IGDCC3: variants seen among roughly 807,000 people sequenced by gnomAD.
The protein encoded by IGDCC3 is putative neuronal cell adhesion molecule.
In IGDCC3, 47 loss-of-function variants were observed where a neutral mutation model predicts 72.0. That is an observed-to-expected ratio of 0.65 (90% CI 0.52 to 0.83). The LOEUF (loss-of-function observed/expected upper bound fraction) is 0.83. Among genes scored for constraint, IGDCC3 ranks in the 40% least tolerant of loss-of-function variants. The pLI is 0.00. For missense variants in IGDCC3, 1,038 were observed against 1,091.3 expected (o/e 0.95, Z 0.69); for synonymous variants, 477 against 472.8 (o/e 1.01, Z -0.11).
Position 65,335,341 on chromosome 15 carries a change from G to A in IGDCC3, c.635C>T (p.Ser212Leu). Residue 212 changes from serine (S) to leucine (L), a missense_variant, in exon 4 of 14, where the codon TCA (serine) becomes TTA (leucine). By Grantham distance (145) the Ser-to-Leu change is moderately radical. Transcript: ENST00000327987. ...EDGGIFHCVA[S>L]NIASIRISHG... The stretch of plus-strand genomic sequence containing the variant: ...GCTGATCCGGATACTGGCGATGTTT[G>A]AGGCCACACAGTGGAAGATGCCACC... 3.1e-6 allele frequency: 5 copies of A among 1,613,834 alleles called. No homozygotes were observed. The highest frequency in any genetic ancestry group is 4.2e-6 in the Non-Finnish European group (5 of 1,179,876).
chr15:65,350,622 C>T (rs953383733), intron 2 of IGDCC3, among the ~76,000 whole-genome samples: 68 of 151,914 alleles, frequency 4.5e-4, no homozygotes, highest in African/African-American at 1.6e-3. Context: ...CCACCAGGCC[C>T]GGCTAAGTTT....
At chr15:65,331,308 C>A (rs1253988006) in intron 8 of IGDCC3, 94 bp from the exon 9 acceptor site, 2 of 1,567,988 alleles carry the variant, frequency 1.3e-6, no homozygotes, top group East Asian at 4.5e-5. Flanking sequence ...CCCGGGGGGA[C>A]AGCGGGGAGA....
At chr15:65,342,113 G>A (rs918155435) in intron 2 of IGDCC3, among the ~76,000 whole-genome samples, 2 of 151,866 alleles carry the variant, frequency 1.3e-5, no homozygotes, top group Non-Finnish European at 2.9e-5. Context: ...ACAGCCAGGC[G>A]CGGTGGCTCA....
intron 2 of IGDCC3, among the ~76,000 whole-genome samples, chr15:65,341,179 C>T (rs1425762214): frequency 1.3e-5 from 2 of 152,050 alleles, no homozygotes; most frequent in Non-Finnish European, 2.9e-5. Context: ...TAGGGAAATG[C>T]GAATCAAAAC....
chr15:65,328,258 CT>C lies in IGDCC3; in HGVS notation c.*650del, dbSNP rs1310286858. On this transcript the variant is annotated 3_prime_UTR_variant, in exon 14 of 14. Transcript: ENST00000327987. ...TTTCACATCTGGAAATGGGGAAGTG[CT>C]TTTTTTTTTCTTTCACACCTGGAAA... 5.6e-3 allele frequency: 668 copies of C among 118,546 alleles called. 7 individuals are homozygous for C. Among genetic ancestry groups the C allele is most frequent in the Admixed American group, 0.016 (184 of 11,740 alleles). 7.3% of individuals were successfully genotyped at this position (118,546 alleles called of 1,614,324 possible).
intron 2 of IGDCC3, among the ~76,000 whole-genome samples, chr15:65,370,276 G>A (rs1054906952): frequency 2.3e-4 from 35 of 151,810 alleles, no homozygotes; most frequent in Admixed American, 2.2e-3. Flanking sequence ...CAGCACTTTC[G>A]GAGGAAGTGT....
Position 65,377,310 on chromosome 15 carries a change from G to T in IGDCC3, c.103+376C>A, listed in dbSNP as rs151171076. Reference sequence around the variant, plus strand: ...GCTGCCTCGGGCTATGTCCACGGCCGGGCACCCAGCACCCCAGCTCGTCCG... The same window carrying T: ...GCTGCCTCGGGCTATGTCCACGGCCTGGCACCCAGCACCCCAGCTCGTCCG... On this transcript the variant is annotated intron_variant, in intron 1 of 13. Coordinates refer to ENST00000327987, the MANE Select transcript of IGDCC3 (RefSeq NM_004884.4). This position sits in a 1 kb window ranked among gnomAD's most constrained non-coding sequence, Gnocchi z 4.9. Among the ~76,000 whole-genome samples the T allele has an allele frequency of 5.3e-5, 8 of 152,230 alleles. No homozygotes were observed. The highest frequency in any genetic ancestry group is 1.3e-4 in the Admixed American group (2 of 15,296).
chr15:65,344,876 T>TG (rs553549969), intron 2 of IGDCC3, among the ~76,000 whole-genome samples: 4 of 150,034 alleles, frequency 2.7e-5, no homozygotes, highest in South Asian at 4.2e-4. Flanking sequence ...GCACAGGGAC[T>TG]GGGGGGTGCC....
chr15:65,346,728 G>A (rs190619328), intron 2 of IGDCC3, among the ~76,000 whole-genome samples: 170 of 152,138 alleles, frequency 1.1e-3, no homozygotes, highest in African/African-American at 3.9e-3. Context: ...CAAAGTGCTG[G>A]GATTATAGGC....
rs758573838 is a variant in IGDCC3, at chr15:65,330,646, C to T, written c.1657G>A (p.Gly553Ser). 8.7e-6 allele frequency: 14 copies of T among 1,613,496 alleles called. No individual in the cohort carries two copies. Among genetic ancestry groups the T allele is most frequent in the South Asian group, 5.5e-5 (5 of 91,068 alleles). The change falls in exon 10 of 14, where the codon GGC becomes AGC. Residue 553 changes from glycine to serine, a missense_variant. Transcript: ENST00000327987. ...GCTGGGCGGTAAAACAGCTTGAAGC[C>T]GCCCTCGTGCTGGGCCAGCCGGGGC... ...PWPRLAQHEG[G>S]FKLFYRPASK...
At chr15:65,334,680 G>T in intron 5 of IGDCC3, 48 bp downstream of exon 5, 2 of 1,471,396 alleles carry the variant, frequency 1.4e-6, no homozygotes, top group Non-Finnish European at 1.8e-6. Context: ...GCCCTCCCAG[G>T]GGGTGGGACA....
At chr15:65,359,276 T>C (rs1187249450) in intron 2 of IGDCC3, among the ~76,000 whole-genome samples, 1 of 152,164 alleles carries the variant, frequency 6.6e-6, no homozygotes, top group Non-Finnish European at 1.5e-5. Flanking sequence ...GCAACTTGGG[T>C]TCACAGAATG....
At chr15:65,351,795 C>T (rs956637723) in intron 2 of IGDCC3, among the ~76,000 whole-genome samples, 3 of 152,084 alleles carry the variant, frequency 2.0e-5, no homozygotes, top group Non-Finnish European at 4.4e-5. Context: ...TTTAATATAA[C>T]TTAGTGTATG....
chr15:65,361,124 G>A (rs955663785), intron 2 of IGDCC3, among the ~76,000 whole-genome samples: 1 of 152,038 alleles, frequency 6.6e-6, no homozygotes, highest in Admixed American at 6.6e-5. Flanking sequence ...TCTAGCTCTA[G>A]CTCCTTGTCA....
chr15:65,335,529 C>T, intron 3 of IGDCC3, 108 bp from the exon 4 acceptor site: 1 of 1,163,268 alleles, frequency 8.6e-7, no homozygotes, highest in East Asian at 2.4e-5. Flanking sequence ...ACTGCACCAT[C>T]CCAACATCAG....
rs1423215384 is a variant in IGDCC3 at position 65,331,659 on chromosome 15, G to A, written c.1149C>T (p.Ser383=). ...GACCGATTCCAGAAATGGTCAGTGT[G>A]CTGCAGGGGAGAGAGACAGCCTCAG... ...GGHVRLKNNN[S]TLTISGIGPE... Residue 383 remains serine (S), a splice_region_variant and synonymous_variant, in exon 8 of 14, where the codon AGC becomes AGT. Transcript: ENST00000327987. 1.3e-6 allele frequency: 2 copies of A among 1,594,276 alleles called. No homozygotes were observed. The highest frequency in any genetic ancestry group is 1.7e-5 in the Admixed American group (1 of 58,938).
intron 2 of IGDCC3, among the ~76,000 whole-genome samples, chr15:65,370,628 A>ATG (rs1420704267): frequency 1.9e-4 from 28 of 144,202 alleles, no homozygotes; most frequent in South Asian, 1.9e-3. Flanking sequence ...GTGTATATAT[A>ATG]TATATATATA....
intron 2 of IGDCC3, among the ~76,000 whole-genome samples, chr15:65,347,816 AGCCACTTGGGAGGCT>A (rs1397523163): frequency 6.6e-6 from 1 of 152,148 alleles, no homozygotes; most frequent in Non-Finnish European, 1.5e-5. Context: ...CTGTAATCCC[AGCCACTTGGGAGGCT>A]GAGGCAAGGC....
At chr15:65,356,847 G>GGTTTTTTTTTTT (rs1189300061) in intron 2 of IGDCC3, among the ~76,000 whole-genome samples, 1 of 61,786 alleles carries the variant, frequency 1.6e-5, no homozygotes, top group African/African-American at 8.8e-5. Flanking sequence ...GAATGGACCT[G>GGTTTTTTTTTTT]CTTTTTTTTT....
Sources: gnomAD v4.1 joint callset for allele counts (sites outside exome capture counted in the v4.1 genomes callset) on GRCh38, gnomAD v4.1.1 for gene constraint, Gnocchi (gnomAD v3.1) non-coding constraint, MANE v1.5 for transcripts, NCBI Gene and HGNC (gene_info 2026-07-23, HGNC 2026-07-21) for gene names.